NRG4: variants seen among roughly 807,000 people sequenced by gnomAD.
NRG4 encodes the protein pro-neuregulin-4, membrane-bound isoform.
NRG4 carries 10 observed loss-of-function variants against 15.0 expected under a neutral mutation model. The ratio of observed to expected loss-of-function variants is 0.67; its 90% CI spans 0.41 to 1.13. NRG4 has a LOEUF of 1.13. Ranked by LOEUF, NRG4 falls within the 50% of genes most tolerant of loss-of-function variation. The pLI, the probability that NRG4 is intolerant of heterozygous loss-of-function variation, is 0.00. For synonymous variants in NRG4, 41 were observed against 50.1 expected (o/e 0.82, Z 0.77); for missense variants, 139 against 140.2 (o/e 0.99, Z 0.04).
chr15:76,019,947 G>A (rs1056476061), intron 5 of NRG4, among the ~76,000 whole-genome samples: 4 of 152,200 alleles, frequency 2.6e-5, no homozygotes, highest in African/African-American at 9.6e-5. Flanking sequence ...CCCTGTGTCT[G>A]TTGGTGCCAT....
At chr15:75,999,588 T>A (rs1365459034) in intron 3 of NRG4, among the ~76,000 whole-genome samples, 1 of 152,202 alleles carries the variant, frequency 6.6e-6, no homozygotes, top group Non-Finnish European at 1.5e-5. Context: ...GGTGCCTTGA[T>A]CTTTGGCTTC....
chr15:75,935,556 G>T (rs1407081026), downstream of NRG4: 1 of 151,184 alleles, frequency 6.6e-6, no homozygotes, highest in Non-Finnish European at 1.5e-5. Context: ...AAGGAAGAGG[G>T]AAAGTAAACC....
At chr15:75,971,978 C>T (rs2033117077) in intron 3 of NRG4, among the ~76,000 whole-genome samples, 1 of 152,164 alleles carries the variant, frequency 6.6e-6, no homozygotes, top group African/African-American at 2.4e-5. Flanking sequence ...AATTTATACT[C>T]CCACAAATAG....
At chr15:75,945,493 T>C (rs971377986) in intron 5 of NRG4, among the ~76,000 whole-genome samples, 1 of 152,148 alleles carries the variant, frequency 6.6e-6, no homozygotes, top group African/African-American at 2.4e-5. Flanking sequence ...TCTCTGAGAA[T>C]TTCTTCATGG....
chr15:76,051,565 CTTT>C (rs917470740), intron 4 of NRG4, among the ~76,000 whole-genome samples: 4 of 133,454 alleles, frequency 3.0e-5, no homozygotes, highest in Admixed American at 7.4e-5. Context: ...GAACAATCTT[CTTT>C]TTTTTTTTTT....
intron 3 of NRG4, among the ~76,000 whole-genome samples, chr15:75,988,819 G>A (rs920961432): frequency 2.7e-5 from 4 of 148,184 alleles, no homozygotes; most frequent in African/African-American, 1.0e-4. Flanking sequence ...ATCCCACAGG[G>A]TGGCAAAAAT....
At chr15:75,962,204 A>G (rs1401074149) in intron 3 of NRG4, among the ~76,000 whole-genome samples, 5 of 152,188 alleles carry the variant, frequency 3.3e-5, no homozygotes, top group African/African-American at 1.2e-4. Context: ...CAGTTTTCCA[A>G]CTGCTTAGGA....
intron 3 of NRG4, among the ~76,000 whole-genome samples, chr15:75,985,419 A>G (rs2033764084): frequency 1.3e-5 from 2 of 152,192 alleles, no homozygotes; most frequent in African/African-American, 4.8e-5. Flanking sequence ...GTGAAGTGTT[A>G]TCTACTAGGG....
rs752180506 is a variant in NRG4, at chr15:75,943,681, T to C, written c.332-27A>G. 3 of 1,495,502 alleles carry C rather than the reference T, an allele frequency of 2.0e-6. No individual in the cohort carries two copies. In the South Asian group the frequency reaches 3.4e-5, roughly 17 times the overall value. The allele number at this position is 1,495,502 out of a possible 1,614,324, so 92.6% of individuals were successfully genotyped here. The stretch of plus-strand genomic sequence containing the variant: ...TGTGAAAAATAAGTAAGAATTAAGA[T>C]GCTTTCTCCATTGCAATGTTTCTTA... On this transcript the variant is annotated intron_variant, in intron 5 of 5. Transcript: ENST00000394907.
At chr15:75,980,571 C>T (rs1008594839) in intron 3 of NRG4, among the ~76,000 whole-genome samples, 2 of 152,110 alleles carry the variant, frequency 1.3e-5, no homozygotes, top group African/African-American at 4.8e-5. Flanking sequence ...CAGGCGTAAT[C>T]TAGGGTATCT....
Position 75,955,955 on chromosome 15 carries a change from G to T in NRG4, c.308C>A (p.Thr103Lys). 6.2e-7 allele frequency: 1 copy of T among 1,608,978 alleles called. No individual in the cohort carries two copies. The highest frequency in any genetic ancestry group is 8.5e-7 in the Non-Finnish European group (1 of 1,175,470). The change falls in exon 5 of 6, where the codon ACG (threonine) becomes AAG (lysine). Residue 103 changes from threonine (T) to lysine (K), a missense_variant. Transcript: ENST00000394907. ...ACTGTGGTGGGCACTGGTACTGCTCGTCTCTACCAGGTTGATATCATACTG... is the reference window on the plus strand; with the variant it reads ...ACTGTGGTGGGCACTGGTACTGCTCTTCTCTACCAGGTTGATATCATACTG... ...SVQYDINLVE[T>K]SSTSAHHSHE... is the part of the protein sequence containing the mutation.
chr15:75,968,433 C>T (rs868142564), intron 3 of NRG4, among the ~76,000 whole-genome samples: 1 of 151,774 alleles, frequency 6.6e-6, no homozygotes, highest in South Asian at 2.1e-4. Flanking sequence ...ACTAAAAATA[C>T]AAAAATTAGC....
At chr15:75,944,608 T>C (rs192948418) in intron 5 of NRG4, among the ~76,000 whole-genome samples, 165 of 152,322 alleles carry the variant, frequency 1.1e-3, no homozygotes, top group Non-Finnish European at 1.9e-3. Context: ...TTAATAAGTT[T>C]TAAAAATATA....
rs1471096215 is a variant in NRG4 at position 75,941,506 on chromosome 15, A to G, written c.*2132T>C. On this transcript the variant is annotated 3_prime_UTR_variant, in exon 6 of 6. Transcript: ENST00000394907. ...CACTGCAGCATTATTCACCGTAGTC[A>G]AAAGGTAGAAACAACCCAAATACCC... The G allele has an allele frequency of 1.3e-5, 2 of 152,218 alleles. No individual in the cohort carries two copies. Among genetic ancestry groups the G allele is most frequent in the Non-Finnish European group, 2.9e-5 (2 of 68,020 alleles). 9.4% of individuals were successfully genotyped at this position (152,218 alleles called of 1,614,324 possible). A position where few individuals can be genotyped will look rare whatever the true frequency, so the allele number is the denominator to read the frequency against.
At position 76,030,577 on chromosome 15, in the gene NRG4, A is replaced by G. The variant is rs76327779; in HGVS notation, c.-57+5367T>C. On this transcript the variant is annotated intron_variant, in intron 5 of 8. Transcript: ENST00000563910. ...AGTCCCCCACCCTCTAACCTTATAA[A>G]AAAAGCAACTCAAAATGGATTAACA... 6.4e-4 allele frequency among the ~76,000 whole-genome samples: 98 copies of G among 152,334 alleles called. 1 individual carries two copies. In the East Asian group the frequency reaches 0.017, roughly 27 times the overall value.
At chr15:76,005,355 C>T (rs975800453) in intron 3 of NRG4, among the ~76,000 whole-genome samples, 3 of 147,560 alleles carry the variant, frequency 2.0e-5, no homozygotes, top group African/African-American at 7.5e-5. Context: ...GCACTTCAGC[C>T]TGGGCAACAC....
chr15:75,986,123 A>T (rs1217047133), intron 3 of NRG4, among the ~76,000 whole-genome samples: 2 of 152,188 alleles, frequency 1.3e-5, no homozygotes, highest in African/African-American at 4.8e-5. Flanking sequence ...TAGACCACAT[A>T]TGCTGCTATC....
intron 4 of NRG4, among the ~76,000 whole-genome samples, chr15:76,048,127 C>A (rs1014158988): frequency 2.0e-5 from 3 of 148,188 alleles, no homozygotes; most frequent in African/African-American, 7.7e-5. Flanking sequence ...CACTGTACTC[C>A]TGGGTGACAA....
chr15:76,039,409 A>G (rs989742955), intron 4 of NRG4, among the ~76,000 whole-genome samples: 2 of 152,228 alleles, frequency 1.3e-5, no homozygotes, highest in Non-Finnish European at 2.9e-5. Flanking sequence ...GATAAATTTA[A>G]CAATGAGATT....
Sources: allele counts gnomAD v4.1 joint callset (sites outside exome capture counted in the v4.1 genomes callset), GRCh38; gene constraint gnomAD v4.1.1; transcripts MANE v1.5; gene names NCBI Gene and HGNC (gene_info 2026-07-23, HGNC 2026-07-21).